The following ADA2 variants were observed in gnomAD, a reference collection of about 807,000 sequenced individuals.
The protein encoded by ADA2 is adenosine deaminase CECR1.
Under a neutral mutation model 44.2 loss-of-function variants are expected in ADA2, and 29 were observed. The ratio of observed to expected loss-of-function variants is 0.66; its 90% confidence interval spans 0.49 to 0.89. ADA2 has a LOEUF of 0.89. Ranked by LOEUF, ADA2 falls within the 40% of genes least tolerant of loss-of-function variation. The pLI, the probability that ADA2 is intolerant of heterozygous loss-of-function variation, is 0.00. For missense variants in ADA2, 637 were observed against 644.8 expected (o/e 0.99, Z 0.13); for synonymous variants, 215 against 234.9 (o/e 0.92, Z 0.77).
At position 17,185,416 on chromosome 22, in the gene ADA2, AAAAATAAAATAAAAT is replaced by A. The variant is rs141255135; in HGVS notation, c.1082-2670_1082-2656del. ...GGGGACAGAGCGAGACTCCGTCTCA[AAAAATAAAATAAAAT>A]AAAATAAAATAAAATAAAAAAATAA... On this transcript the variant is annotated intron_variant, in intron 7 of 9. Coordinates refer to ENST00000399837, the MANE Select transcript of ADA2 (RefSeq NM_001282225.2). Among the ~76,000 whole-genome samples the A allele has an allele frequency of 1.3e-4, 19 of 148,804 alleles. 1 individual carries two copies. The highest frequency in any genetic ancestry group is 2.7e-4 in the African/African-American group (11 of 40,266).
At chr22:17,193,020 G>A in intron 4 of ADA2, 1 of 664,610 alleles carries the variant, frequency 1.5e-6, no homozygotes, top group Non-Finnish European at 2.7e-6. Context: ...GAAACCCAGA[G>A]GTATTCACAA....
At chr22:17,202,063 C>G (rs1252887629) in intron 4 of ADA2, among the ~76,000 whole-genome samples, 2 of 148,822 alleles carry the variant, frequency 1.3e-5, no homozygotes, top group Non-Finnish European at 3.0e-5. Context: ...GCTCCTCCCC[C>G]TGGGTTCAAG....
intron 4 of ADA2, among the ~76,000 whole-genome samples, chr22:17,197,809 C>T (rs145806634): frequency 3.8e-4 from 58 of 152,228 alleles, no homozygotes; most frequent in African/African-American, 1.3e-3. Flanking sequence ...GAGGCCAAGG[C>T]GGGCGGATCA....
chr22:17,210,439 C>T (rs1180105655), intron 1 of ADA2, among the ~76,000 whole-genome samples: 1 of 152,076 alleles, frequency 6.6e-6, no homozygotes, highest in Non-Finnish European at 1.5e-5. Context: ...ATCCGCCAGC[C>T]TCAGTCTCCC....
intron 1 of ADA2, among the ~76,000 whole-genome samples, chr22:17,211,267 G>A (rs1447735703): frequency 1.7e-4 from 26 of 151,898 alleles, no homozygotes; most frequent in Admixed American, 1.7e-3. Context: ...GCTGAGACAG[G>A]AGAATCACTT....
At chr22:17,200,156 C>G (rs2062260301) in intron 4 of ADA2, among the ~76,000 whole-genome samples, 1 of 152,026 alleles carries the variant, frequency 6.6e-6, no homozygotes, top group Non-Finnish European at 1.5e-5. Flanking sequence ...GATCACGCCA[C>G]TTTACTCCAG....
At chr22:17,195,990 G>C (rs189938827) in intron 4 of ADA2, among the ~76,000 whole-genome samples, 1 of 151,986 alleles carries the variant, frequency 6.6e-6, no homozygotes, top group East Asian at 2.0e-4. Flanking sequence ...CTCATGATCT[G>C]CTCGCCTCAG....
At chr22:17,207,373 GA>G in intron 2 of ADA2, 83 bp from the exon 3 acceptor site, 1 of 1,008,792 alleles carries the variant, frequency 9.9e-7, no homozygotes, top group Non-Finnish European at 1.5e-6. Context: ...AGGAGGGGGT[GA>G]AGTCCCATCC....
intron 4 of ADA2, among the ~76,000 whole-genome samples, chr22:17,200,302 T>C (rs1020945976): frequency 2.0e-5 from 3 of 152,134 alleles, no homozygotes; most frequent in Non-Finnish European, 4.4e-5. Context: ...GCGCCTCCCT[T>C]TTCAGAAATT....
chr22:17,185,308 CGGGAGGCTG>C (rs2062023722), intron 7 of ADA2, among the ~76,000 whole-genome samples: 1 of 150,986 alleles, frequency 6.6e-6, no homozygotes, highest in South Asian at 2.1e-4. Flanking sequence ...CCCAGCTACT[CGGGAGGCTG>C]AGGCAGGAGA....
chr22:17,185,848 G>A lies in ADA2; in HGVS notation c.1081+2491C>T, dbSNP rs541328399. Among the ~76,000 whole-genome samples, 305 of 152,310 alleles carry A rather than the reference G, an allele frequency of 2.0e-3. 2 individuals carry two copies. Among genetic ancestry groups the A allele is most frequent in the African/African-American group, 7.0e-3 (292 of 41,560 alleles). On this transcript the variant is annotated intron_variant, in intron 7 of 9. Coordinates refer to ENST00000399837, the MANE Select transcript of ADA2 (RefSeq NM_001282225.2). ...TCTCTCCACCCCTCTTTGGTCTTCC[G>A]AGGGTGACAGGTGGGATGCTGAAGA... is the stretch of plus-strand genomic sequence containing the variant.
At chr22:17,197,443 C>T (rs1049642748) in intron 4 of ADA2, among the ~76,000 whole-genome samples, 1 of 151,828 alleles carries the variant, frequency 6.6e-6, no homozygotes, top group South Asian at 2.1e-4. Context: ...TTTGTTTTGT[C>T]CTGTTTTGTA....
Position 17,207,153 on chromosome 22 carries a change from G to C in ADA2, c.460C>G (p.Arg154Gly), listed in dbSNP as rs200153182. ...CACTTGGAACATTTTTCTGATGGAC[G>C]GGGAGTTGGGTGAGCAAATCTGAAC... is the stretch of plus-strand genomic sequence containing the variant. ...MQFRFAHPTP[R>G]PSEKCSKWIL... The change falls in exon 3 of 10, where the codon CGT becomes GGT. Residue 154 changes from arginine to glycine, a missense_variant. Arg to Gly is a moderately radical substitution (Grantham distance 125). Transcript: ENST00000399837. 3 of 1,614,212 alleles carry C rather than the reference G, an allele frequency of 1.9e-6. No homozygotes were observed. Among genetic ancestry groups the C allele is most frequent in the East Asian group, 2.2e-5 (1 of 44,884 alleles).
chr22:17,218,973 A>T (rs1427673359), intron 1 of ADA2, among the ~76,000 whole-genome samples: 1 of 152,166 alleles, frequency 6.6e-6, no homozygotes, highest in African/African-American at 2.4e-5. Flanking sequence ...CCTGGCCAAC[A>T]CGGTGAAACC....
upstream of ADA2, chr22:17,219,494 T>C (rs961918540): frequency 6.6e-6 from 1 of 152,262 alleles, no homozygotes; most frequent in African/African-American, 2.4e-5. Context: ...GGGATCCAAC[T>C]AGAGGCCGGG....
chr22:17,189,022 T>C (rs1433685329), intron 6 of ADA2, among the ~76,000 whole-genome samples: 4 of 38,064 alleles, frequency 1.1e-4, no homozygotes, highest in Admixed American at 3.1e-4. Context: ...CTAGATTCTT[T>C]TTTTTTTTTT....
At chr22:17,215,015 G>A (rs1447039893) in intron 1 of ADA2, among the ~76,000 whole-genome samples, 1 of 152,174 alleles carries the variant, frequency 6.6e-6, no homozygotes, top group Non-Finnish European at 1.5e-5. Context: ...CAGAGCCCCA[G>A]TACAAACAGA....
chr22:17,183,456 CTTTTTTTTTT>C (rs1227906560), intron 7 of ADA2, among the ~76,000 whole-genome samples: 13 of 77,420 alleles, frequency 1.7e-4, no homozygotes, highest in Admixed American at 2.9e-4. Flanking sequence ...TTGTGGCACT[CTTTTTTTTTT>C]TTTTTTTTTT....
At chr22:17,183,237 C>G (rs1439284136) in intron 7 of ADA2, among the ~76,000 whole-genome samples, 1 of 152,092 alleles carries the variant, frequency 6.6e-6, no homozygotes, top group Non-Finnish European at 1.5e-5. Context: ...GCACACGCCA[C>G]CACGCCCAGA....
Sources: allele counts gnomAD v4.1 joint callset (sites outside exome capture counted in the v4.1 genomes callset), GRCh38; gene constraint gnomAD v4.1.1; transcripts MANE v1.5; gene names NCBI Gene and HGNC (gene_info 2026-07-23, HGNC 2026-07-21).